The following STK40 variants were observed in gnomAD, a reference collection of about 807,000 sequenced individuals.
The protein encoded by STK40 is serine/threonine-protein kinase 40.
A neutral mutation model predicts 47.9 loss-of-function variants in STK40; 13 were observed. The ratio of observed to expected loss-of-function variants is 0.27; its 90% CI spans 0.18 to 0.43. STK40 has a LOEUF of 0.43. Among genes scored for constraint, STK40 ranks in the 20% least tolerant of loss-of-function variants. STK40 has a pLI of 1.00. For missense variants in STK40, 460 were observed against 595.1 expected (o/e 0.77, Z 2.36); for synonymous variants, 225 against 243.2 (o/e 0.93, Z 0.69).
At chr1:36,358,484 T>G (rs532843080) in intron 3 of STK40, 102 bp from the exon 4 acceptor site, 85 of 1,455,870 alleles carry the variant, frequency 5.8e-5, no homozygotes, top group South Asian at 5.5e-4. Flanking sequence ...CACATGACAT[T>G]TGTGCACAAT....
chr1:36,375,032 G>A (rs1009109404), intron 1 of STK40, among the ~76,000 whole-genome samples: 4 of 152,170 alleles, frequency 2.6e-5, no homozygotes, highest in East Asian at 1.9e-4. Flanking sequence ...GCAAGCAACC[G>A]CAGAACAACT....
At chr1:36,371,639 C>A (rs1225959594) in intron 1 of STK40, among the ~76,000 whole-genome samples, 1 of 147,128 alleles carries the variant, frequency 6.8e-6, no homozygotes, top group Non-Finnish European at 1.5e-5. Flanking sequence ...ATCATGTGAT[C>A]CTGCCACTGT....
chr1:36,367,177 A>G (rs564402946), intron 1 of STK40, among the ~76,000 whole-genome samples: 1 of 152,140 alleles, frequency 6.6e-6, no homozygotes, highest in South Asian at 2.1e-4. Context: ...CTCACAAGTC[A>G]GCACCAGTCC....
At chr1:36,346,682 C>G (rs1460097771) in intron 7 of STK40, among the ~76,000 whole-genome samples, 1 of 152,244 alleles carries the variant, frequency 6.6e-6, no homozygotes, top group East Asian at 1.9e-4. Flanking sequence ...CTGATTCAGT[C>G]AGATTCCTTT....
intron 6 of STK40, among the ~76,000 whole-genome samples, chr1:36,354,108 G>C (rs1437096855): frequency 6.6e-6 from 1 of 152,108 alleles, no homozygotes; most frequent in African/African-American, 2.4e-5. Flanking sequence ...CCCACTAGGA[G>C]CCAGGTGTGA....
intron 7 of STK40, 98 bp downstream of exon 7, chr1:36,348,602 C>T: frequency 2.7e-6 from 3 of 1,095,322 alleles, no homozygotes; most frequent in Non-Finnish European, 4.1e-6. Flanking sequence ...GAAGCCCCAG[C>T]ACCTTGCCCA....
At chr1:36,374,453 G>A (rs905778133) in intron 1 of STK40, among the ~76,000 whole-genome samples, 1 of 152,198 alleles carries the variant, frequency 6.6e-6, no homozygotes, top group Non-Finnish European at 1.5e-5. Context: ...GAACCAGACC[G>A]GCTGCTCCTG....
intron 4 of STK40, among the ~76,000 whole-genome samples, chr1:36,356,738 T>C (rs1173568913): frequency 4.6e-5 from 7 of 152,130 alleles, no homozygotes; most frequent in Non-Finnish European, 7.4e-5. Flanking sequence ...ACATTTCTTC[T>C]TAAGAGCAGG....
chr1:36,345,991 A>ATTTTTTTTTTTT (rs143130232), intron 7 of STK40, among the ~76,000 whole-genome samples: 29 of 26,460 alleles, frequency 1.1e-3, no homozygotes, highest in South Asian at 1.6e-3. Context: ...ATATATATAT[A>ATTTTTTTTTTTT]TTTTTTTTTT....
intron 2 of STK40, among the ~76,000 whole-genome samples, chr1:36,360,094 G>C (rs1646838941): frequency 1.3e-5 from 2 of 152,184 alleles, no homozygotes; most frequent in Admixed American, 6.5e-5. Context: ...CTGGTGAGTT[G>C]TTTACTCTGT....
chr1:36,374,995 T>C (rs1041700011), intron 1 of STK40, among the ~76,000 whole-genome samples: 8 of 152,224 alleles, frequency 5.3e-5, no homozygotes, highest in South Asian at 2.1e-4. Context: ...CCACCCATGA[T>C]AGCCCAAATC....
chr1:36,345,621 C>T (rs1279871805), intron 7 of STK40, among the ~76,000 whole-genome samples: 1 of 152,186 alleles, frequency 6.6e-6, no homozygotes, highest in Non-Finnish European at 1.5e-5. Flanking sequence ...GAACTTGCTC[C>T]ACCAAGTGGG....
chr1:36,350,437 A>C (rs991738664), intron 6 of STK40, among the ~76,000 whole-genome samples: 1 of 152,204 alleles, frequency 6.6e-6, no homozygotes, highest in Non-Finnish European at 1.5e-5. Context: ...CGCTGAGAGG[A>C]GGACAGCTCA....
At chr1:36,344,645 C>G (rs531475073) in intron 7 of STK40, among the ~76,000 whole-genome samples, 19 of 152,320 alleles carry the variant, frequency 1.2e-4, no homozygotes, top group Admixed American at 1.2e-3. Context: ...GTCCCCACAC[C>G]CCACCTGCCT....
At chr1:36,351,017 G>C (rs1646747533) in intron 6 of STK40, among the ~76,000 whole-genome samples, 2 of 152,228 alleles carry the variant, frequency 1.3e-5, no homozygotes, top group African/African-American at 2.4e-5. Flanking sequence ...CCTGACAGGA[G>C]GGGGCAATGG....
At chr1:36,358,200 C>G (rs779294518) in intron 4 of STK40, 39 bp downstream of exon 4, 5 of 1,537,136 alleles carry the variant, frequency 3.3e-6, no homozygotes, top group Admixed American at 3.6e-5. Flanking sequence ...CAGAGCCAGC[C>G]AGAGGTGAGC....
chr1:36,345,048 TCAGGGCAACCTGTCCACC>T (rs1239062980), intron 7 of STK40, among the ~76,000 whole-genome samples: 2 of 152,202 alleles, frequency 1.3e-5, no homozygotes, highest in African/African-American at 4.8e-5. Flanking sequence ...TTGCCTCCTT[TCAGGGCAACCTGTCCACC>T]CACCCAGCAG....
chr1:36,346,578 CAGA>C (rs1020478140), intron 7 of STK40, among the ~76,000 whole-genome samples: 3 of 152,188 alleles, frequency 2.0e-5, no homozygotes, highest in African/African-American at 7.2e-5. Flanking sequence ...AGGCTGAAGT[CAGA>C]AGGAGATTGG....
chr1:36,364,737 T>C (rs1455048682), intron 1 of STK40, among the ~76,000 whole-genome samples: 2 of 151,982 alleles, frequency 1.3e-5, no homozygotes, highest in Non-Finnish European at 2.9e-5. Flanking sequence ...GGCGGGAGGA[T>C]TGCTTGAGCC....
Sources: allele counts gnomAD v4.1 joint callset (sites outside exome capture counted in the v4.1 genomes callset), GRCh38; gene constraint gnomAD v4.1.1; transcripts MANE v1.5; gene names NCBI Gene and HGNC (gene_info 2026-07-23, HGNC 2026-07-21).